Variants in UQCC1 observed in about 807,000 individuals in gnomAD.
UQCC1 encodes the protein bFGF-repressed Zic-binding protein.
UQCC1 carries 38 observed loss-of-function variants against 48.0 expected under a neutral mutation model. The observed-to-expected ratio is 0.79, with a 90% CI of 0.61 to 1.04. UQCC1 has a LOEUF of 1.04. Ranked by LOEUF, UQCC1 falls within the 50% of genes least tolerant of loss-of-function variation. The pLI, the probability that UQCC1 is intolerant of heterozygous loss-of-function variation, is 0.00. For missense variants in UQCC1, 368 were observed against 381.8 expected, an observed-to-expected ratio of 0.96 and a Z score of 0.30; for synonymous variants, 111 against 129.2, an observed-to-expected ratio of 0.86 and a Z score of 0.95.
chr20:35,321,294 G>A (rs966173424), intron 7 of UQCC1, among the ~76,000 whole-genome samples: 13 of 152,170 alleles, frequency 8.5e-5, no homozygotes, highest in South Asian at 2.1e-4. Flanking sequence ...GCGCGCGCGC[G>A]CGCGCACGCT....
chr20:35,398,965 G>A (rs755073166), intron 1 of UQCC1, among the ~76,000 whole-genome samples: 11 of 151,992 alleles, frequency 7.2e-5, no homozygotes, highest in East Asian at 1.9e-4. Flanking sequence ...TCTTTCCTTC[G>A]CCAATCCTAC....
chr20:35,321,283 T>TGTGTGCGCGC (rs1389196330), intron 7 of UQCC1, among the ~76,000 whole-genome samples: 2 of 141,534 alleles, frequency 1.4e-5, no homozygotes, highest in African/African-American at 5.8e-5. Context: ...TGTGTGTGTG[T>TGTGTGCGCGC]GCGCGCGCGC....
intron 5 of UQCC1, among the ~76,000 whole-genome samples, chr20:35,367,752 C>T (rs1006667299): frequency 5.9e-5 from 9 of 151,934 alleles, no homozygotes; most frequent in Non-Finnish European, 1.2e-4. Context: ...ACAGCAAGAC[C>T]CTGTCTCAAA....
chr20:35,343,095 C>T (rs574023208), intron 7 of UQCC1, among the ~76,000 whole-genome samples: 57 of 152,284 alleles, frequency 3.7e-4, no homozygotes, highest in Non-Finnish European at 6.3e-4. Context: ...AAAGCAATCA[C>T]CTCTAAGTTT....
At chr20:35,402,819 A>G (rs1167225000) in intron 1 of UQCC1, among the ~76,000 whole-genome samples, 1 of 151,558 alleles carries the variant, frequency 6.6e-6, no homozygotes, top group East Asian at 1.9e-4. Context: ...TTACTCCAGT[A>G]CTTTGGGAGG....
chr20:35,317,102 A>AT (rs202220022), intron 7 of UQCC1, among the ~76,000 whole-genome samples: 4,594 of 151,152 alleles, frequency 0.03, 240 homozygotes, highest in African/African-American at 0.1. Context: ...CACCTGGCTA[A>AT]TTTTTTTGTA....
chr20:35,363,045 A>AG (rs1568682893), intron 6 of UQCC1, among the ~76,000 whole-genome samples: 2 of 151,248 alleles, frequency 1.3e-5, no homozygotes, highest in African/African-American at 2.4e-5. Context: ...AAAAAAAAAA[A>AG]AAAGAAAGAA....
At chr20:35,344,816 G>A (rs1239799734) in intron 7 of UQCC1, 1 of 152,248 alleles carries the variant, frequency 6.6e-6, no homozygotes, top group Non-Finnish European at 1.5e-5. Context: ...GGCGCACTTA[G>A]GTAGCTTCAG....
Position 35,357,259 on chromosome 20 carries a change from G to A in UQCC1, c.464+9298C>T, listed in dbSNP as rs200741435. Among the ~76,000 whole-genome samples the A allele has an allele frequency of 2.6e-5, 4 of 152,276 alleles. No homozygotes were observed. The East Asian group carries it at 7.7e-4, about 29-fold the overall frequency. ...AATTAGGCCGGGCGCAGTGGCTCAC[G>A]CCTGTAATCCCAGCACTTTGGGAGG... On this transcript the variant is annotated intron_variant, in intron 6 of 9. Transcript: ENST00000374385.
intron 6 of UQCC1, among the ~76,000 whole-genome samples, chr20:35,353,516 T>G (rs1014356502): frequency 6.7e-5 from 10 of 148,216 alleles, no homozygotes; most frequent in Non-Finnish European, 1.3e-4. Context: ...TATGGCCAGG[T>G]GTGGTGGCTC....
At chr20:35,362,752 T>C (rs1413580693) in intron 6 of UQCC1, among the ~76,000 whole-genome samples, 1 of 152,044 alleles carries the variant, frequency 6.6e-6, no homozygotes, top group African/African-American at 2.4e-5. Flanking sequence ...ACTGACCCCA[T>C]TTGTACTGAG....
At chr20:35,348,426 G>A (rs2061454145) in intron 6 of UQCC1, among the ~76,000 whole-genome samples, 2 of 152,086 alleles carry the variant, frequency 1.3e-5, no homozygotes, top group South Asian at 2.1e-4. Context: ...GTCTCGCTCT[G>A]TCACCCAGGC....
chr20:35,394,328 GAGCTCCTA>G, intron 1 of UQCC1, 132 bp from the exon 2 acceptor site: 1 of 780,912 alleles, frequency 1.3e-6, no homozygotes. Flanking sequence ...TCCTGGCACA[GAGCTCCTA>G]AAACCCTTGG....
intron 6 of UQCC1, among the ~76,000 whole-genome samples, chr20:35,353,902 A>C (rs1443062644): frequency 6.6e-6 from 1 of 152,192 alleles, no homozygotes. Context: ...AGCTGTATTT[A>C]TGGTAAATAT....
chr20:35,382,688 T>G (rs1216422291), intron 3 of UQCC1, among the ~76,000 whole-genome samples: 3 of 151,702 alleles, frequency 2.0e-5, no homozygotes, highest in Non-Finnish European at 4.4e-5. Context: ...TTTTTTGTAT[T>G]TTTAATAGAG....
chr20:35,309,269 A>G (rs2060963591), intron 8 of UQCC1: 1 of 430,552 alleles, frequency 2.3e-6, no homozygotes, highest in Non-Finnish European at 4.7e-6. Context: ...TGTTTCCACA[A>G]AAAAATATAA....
intron 5 of UQCC1, among the ~76,000 whole-genome samples, chr20:35,367,111 A>AC (rs1455846680): frequency 3.4e-5 from 5 of 146,474 alleles, no homozygotes; most frequent in Non-Finnish European, 7.6e-5. Flanking sequence ...AAAAAAAAAC[A>AC]AACAAAAAAA....
At chr20:35,368,979 A>G (rs2061699744) in intron 5 of UQCC1, among the ~76,000 whole-genome samples, 1 of 152,248 alleles carries the variant, frequency 6.6e-6, no homozygotes, top group Admixed American at 6.5e-5. Flanking sequence ...GGATGCTAGA[A>G]CAAAACATTA....
Position 35,388,383 on chromosome 20 carries a change from C to A in UQCC1, c.130-4250G>T, listed in dbSNP as rs184228549. Among the ~76,000 whole-genome samples, 35 of 147,958 alleles carry A rather than the reference C, an allele frequency of 2.4e-4. No individual in the cohort carries two copies. In the East Asian group the frequency reaches 6.2e-3, roughly 26 times the overall value. On this transcript the variant is annotated intron_variant, in intron 2 of 9. Transcript: ENST00000374385. ...ATGGGTCACTGCAACTTTGACCCCC[C>A]CAGACTCAAGGGATCCTCCTGCCTC...
Sources: allele counts gnomAD v4.1 joint callset (sites outside exome capture counted in the v4.1 genomes callset), GRCh38; gene constraint gnomAD v4.1.1; transcripts MANE v1.5; gene names NCBI Gene and HGNC (gene_info 2026-07-23, HGNC 2026-07-21).